SLC19A1: variants seen among roughly 807,000 people sequenced by gnomAD.
SLC19A1 encodes reduced folate transporter.
A neutral mutation model predicts 35.3 loss-of-function variants in SLC19A1; 37 were observed. The ratio of observed to expected loss-of-function variants is 1.05; its 90% CI spans 0.81 to 1.38. SLC19A1 has a LOEUF of 1.38. Ranked by LOEUF, SLC19A1 falls within the 40% of genes most tolerant of loss-of-function variation. The pLI is 0.00. For missense variants in SLC19A1, 831 were observed against 826.9 expected (o/e 1.00, Z -0.06); for synonymous variants, 460 against 398.5 (o/e 1.15, Z -1.84).
Position 45,530,121 on chromosome 21 carries a change from CGTGTG to C in SLC19A1, c.1151+644_1151+648del, listed in dbSNP as rs942579398. 1.4e-5 allele frequency among the ~76,000 whole-genome samples: 2 copies of C among 142,838 alleles called. No homozygotes were observed. The highest frequency in any genetic ancestry group is 5.3e-5 in the African/African-American group (2 of 37,720). The allele number at this position is 142,838 out of a possible 152,430, so 93.7% of individuals were successfully genotyped here. A position where few individuals can be genotyped will look rare whatever the true frequency, so the allele number is the denominator to read the frequency against. On this transcript the variant is annotated intron_variant, in intron 4 of 5. Transcript: ENST00000311124. The surrounding 1 kb of genome is among the most constrained non-coding windows in gnomAD (Gnocchi z 5.3). ...TCTGTGTGGTGTATCCATCTGTGAG[CGTGTG>C]GTGTGTTCATGTGAGTGTGCATTGT...
rs138359850 is a variant in SLC19A1, at chr21:45,514,688, G to A, written c.*970C>T. ...TGACCCTCAACCCCCAGGCCAGGCC[G>A]GCCCTGAATCAGAAGCCCTGCGCAC... On this transcript the variant is annotated 3_prime_UTR_variant, in exon 6 of 6. Transcript: ENST00000311124. 1.9e-4 allele frequency: 56 copies of A among 300,774 alleles called. No homozygotes were observed. In the East Asian group the frequency reaches 2.0e-3, roughly 11 times the overall value. 18.6% of individuals were successfully genotyped at this position (300,774 alleles called of 1,614,324 possible).
downstream of SLC19A1, among the ~76,000 whole-genome samples, chr21:45,508,305 T>G (rs948563293): frequency 6.8e-6 from 1 of 146,736 alleles, no homozygotes; most frequent in Non-Finnish European, 1.5e-5. Flanking sequence ...GATGGGTGGT[T>G]GCTGGACAGG....
chr21:45,532,173 C>A, intron 2 of SLC19A1, 25 bp from the exon 3 acceptor site: 1 of 1,555,648 alleles, frequency 6.4e-7, no homozygotes, highest in Non-Finnish European at 8.7e-7. Context: ...GCGTGCGCCC[C>A]ACCAGGTGTT....
intron 3 of SLC19A1, among the ~76,000 whole-genome samples, chr21:45,503,221 C>T (rs948856464): frequency 1.3e-5 from 2 of 152,206 alleles, no homozygotes; most frequent in African/African-American, 4.8e-5. Flanking sequence ...TCTACATCCT[C>T]TCCGGCACCT....
chr21:45,552,931 A>G (rs1366087663), intron 1 of SLC19A1, among the ~76,000 whole-genome samples: 3 of 152,164 alleles, frequency 2.0e-5, no homozygotes, highest in African/African-American at 4.8e-5. Context: ...AGAACAGGGC[A>G]CCCAGGGCAG....
At chr21:45,521,288 T>C (rs1363003061) in intron 5 of SLC19A1, among the ~76,000 whole-genome samples, 1 of 152,246 alleles carries the variant, frequency 6.6e-6, no homozygotes, top group Non-Finnish European at 1.5e-5. Context: ...AAATATGGTT[T>C]GATTTACTTA....
At chr21:45,519,915 C>T (rs188875467) in intron 5 of SLC19A1, among the ~76,000 whole-genome samples, 1 of 152,308 alleles carries the variant, frequency 6.6e-6, no homozygotes, top group East Asian at 1.9e-4. Flanking sequence ...AATATACATT[C>T]TTTCAAAGTG....
At chr21:45,512,463 G>A (rs1228915082), downstream of SLC19A1, 3 of 1,512,860 alleles carry the variant, frequency 2.0e-6, no homozygotes, top group African/African-American at 4.1e-5. Flanking sequence ...ACCGTGGGCA[G>A]GGAGCGGCCG....
chr21:45,505,900 G>C, intron 3 of SLC19A1: 1 of 1,612,842 alleles, frequency 6.2e-7, no homozygotes, highest in Non-Finnish European at 8.5e-7. Flanking sequence ...CCGAGGGCTG[G>C]CTCATCTTCG....
At chr21:45,502,579 C>T (rs1289172824) in intron 3 of SLC19A1, 5 of 152,106 alleles carry the variant, frequency 3.3e-5, no homozygotes, top group Non-Finnish European at 4.4e-5. Flanking sequence ...TCCAAAAATC[C>T]AAAGTTAATT....
downstream of SLC19A1, chr21:45,509,556 A>C (rs1345910765): frequency 6.5e-7 from 1 of 1,533,714 alleles, no homozygotes; most frequent in Non-Finnish European, 8.7e-7. Context: ...GGCCGGCGCG[A>C]CCCACAAGCC....
downstream of SLC19A1, among the ~76,000 whole-genome samples, chr21:45,508,820 G>A (rs962054929): frequency 2.0e-5 from 3 of 152,194 alleles, no homozygotes; most frequent in Non-Finnish European, 4.4e-5. Context: ...GCCCTGTGGA[G>A]CAGACAGTGG....
intron 3 of SLC19A1, among the ~76,000 whole-genome samples, chr21:45,503,516 C>T (rs1041092904): frequency 4.0e-5 from 6 of 151,702 alleles, no homozygotes; most frequent in African/African-American, 1.2e-4. Flanking sequence ...AATCATCATT[C>T]TCAGTAAACT....
chr21:45,548,963 G>A (rs1217525433), upstream of SLC19A1, among the ~76,000 whole-genome samples: 7 of 152,146 alleles, frequency 4.6e-5, no homozygotes. Context: ...CAAACACTTT[G>A]GAAAACAGTG....
At chr21:45,537,732 A>G in intron 2 of SLC19A1, 39 bp downstream of exon 2, 1 of 106,670 alleles carries the variant, frequency 9.4e-6, no homozygotes, top group Non-Finnish European at 1.7e-5. Flanking sequence ...CCGCCCACCC[A>G]CCCACAGGCG....
chr21:45,524,428 A>G (rs1355617726), intron 5 of SLC19A1, among the ~76,000 whole-genome samples: 8 of 5,000 alleles, frequency 1.6e-3, no homozygotes, highest in African/African-American at 4.2e-3. Flanking sequence ...GGCCTCGGAG[A>G]CTCACCTGCC....
In SLC19A1 at chr21:45,562,933, C is replaced by T. The variant is rs138971681; in HGVS notation, c.-241G>A. On this transcript the variant is annotated 5_prime_UTR_variant, in exon 1 of 6. Coordinates refer to the SLC19A1 transcript ENST00000650808. ...TTCCAACAGTCCGTGGAAGATCCTC[C>T]TCCGGTATCTACGTGTGTACGGATC... is the stretch of plus-strand genomic sequence containing the variant. 4.3e-3 allele frequency among the ~76,000 whole-genome samples: 662 copies of T among 152,304 alleles called. 8 individuals are homozygous for T. The highest frequency in any genetic ancestry group is 0.015 in the African/African-American group (624 of 41,546).
intron 3 of SLC19A1, chr21:45,506,951 C>A: frequency 4.0e-6 from 1 of 251,058 alleles, no homozygotes; most frequent in Non-Finnish European, 8.1e-6. Context: ...AGCTGGTGCC[C>A]ACTGTGTGCC....
At chr21:45,523,398 G>A (rs1198343258) in intron 5 of SLC19A1, among the ~76,000 whole-genome samples, 1 of 152,142 alleles carries the variant, frequency 6.6e-6, no homozygotes, top group East Asian at 1.9e-4. Context: ...GCCAGAACCT[G>A]CCTCCACCTC....
Sources: allele counts gnomAD v4.1 joint callset (sites outside exome capture counted in the v4.1 genomes callset), GRCh38; gene constraint gnomAD v4.1.1; non-coding constraint Gnocchi (gnomAD v3.1); transcripts MANE v1.5; gene names NCBI Gene and HGNC (gene_info 2026-07-23, HGNC 2026-07-21).